APBB2: variants seen among roughly 807,000 people sequenced by gnomAD.
APBB2 encodes Fe65-like 1.
Under a neutral mutation model 82.5 loss-of-function variants are expected in APBB2, and 38 were observed. The observed-to-expected ratio is 0.46, with a 90% confidence interval of 0.36 to 0.60. The LOEUF (loss-of-function observed/expected upper bound fraction) is 0.60, where lower values mean the gene tolerates loss of function less well. Among genes scored for constraint, APBB2 ranks in the 20% least tolerant of loss-of-function variants. The pLI is 0.00. For missense variants in APBB2, 772 were observed against 972.3 expected (o/e 0.79, Z 2.74); for synonymous variants, 341 against 368.2 (o/e 0.93, Z 0.85).
At chr4:41,122,912 C>T (rs1753287754) in intron 2 of APBB2, among the ~76,000 whole-genome samples, 1 of 152,194 alleles carries the variant, frequency 6.6e-6, no homozygotes, top group South Asian at 2.1e-4. Context: ...TCTGCCCTGG[C>T]CTCCAGAACA....
chr4:40,893,180 T>C (rs1772552937), intron 11 of APBB2, 85 bp downstream of exon 11: 2 of 1,535,740 alleles, frequency 1.3e-6, no homozygotes, highest in South Asian at 1.2e-5. Context: ...AGCCCCTCAG[T>C]ACCATGTGTC....
chr4:40,935,126 C>T lies in APBB2; in HGVS notation c.1058G>A (p.Ser353Asn). ...PTPENEKQPW[S>N]DFAVLNGGKI... ...TCCCCCATTCAGAACAGCAAAATCA[C>T]TCCATGGCTGTTTCTAGACATATAA... The change falls in exon 8 of 18, where the codon AGT becomes AAT. Residue 353 changes from serine to asparagine, a missense_variant. Physicochemically the swap from Ser to Asn is conservative, Grantham distance 46. Coordinates refer to ENST00000508593, the MANE Select transcript of APBB2 (RefSeq NM_004307.2). 1.3e-6 allele frequency: 2 copies of T among 1,533,906 alleles called. No homozygotes were observed. The highest frequency in any genetic ancestry group is 1.7e-6 in the Non-Finnish European group (2 of 1,144,390).
rs375853750 is a variant in APBB2, at chr4:40,967,293, G to A, written c.836-22220C>T. 1.5e-4 allele frequency among the ~76,000 whole-genome samples: 23 copies of A among 152,288 alleles called. No homozygotes were observed. The East Asian group carries it at 4.1e-3, about 27-fold the overall frequency. ...TTCCTGGACGTAGGACAAGAACTCGGGACCTGCAGAATGGCAGGGCTGAAA... is the reference window on the plus strand; with the variant it reads ...TTCCTGGACGTAGGACAAGAACTCGAGACCTGCAGAATGGCAGGGCTGAAA... On this transcript the variant is annotated intron_variant, in intron 6 of 17. Transcript: ENST00000508593.
At chr4:41,057,898 T>G (rs1363838030) in intron 4 of APBB2, among the ~76,000 whole-genome samples, 4 of 152,236 alleles carry the variant, frequency 2.6e-5, no homozygotes. Flanking sequence ...CTGTGCCTCC[T>G]GCCCTGAGGA....
intron 1 of APBB2, among the ~76,000 whole-genome samples, chr4:41,176,833 T>A (rs1315777901): frequency 6.6e-6 from 1 of 152,146 alleles, no homozygotes; most frequent in African/African-American, 2.4e-5. Flanking sequence ...AAATTTGAGA[T>A]CTTATTAATA....
intron 10 of APBB2, among the ~76,000 whole-genome samples, chr4:40,931,665 T>C (rs1268300328): frequency 6.6e-6 from 1 of 152,170 alleles, no homozygotes. Context: ...TGCAGGTCCA[T>C]GTTAGCAGCT....
intron 6 of APBB2, among the ~76,000 whole-genome samples, chr4:40,957,785 C>T (rs774395158): frequency 5.3e-5 from 8 of 151,944 alleles, no homozygotes; most frequent in Admixed American, 1.3e-4. Flanking sequence ...GGTTTCGCCA[C>T]GTTGGCCAGG....
chr4:41,199,115 C>G (rs1413050987), intron 1 of APBB2, among the ~76,000 whole-genome samples: 1 of 152,170 alleles, frequency 6.6e-6, no homozygotes, highest in Non-Finnish European at 1.5e-5. Flanking sequence ...AATAAGGTTA[C>G]ATTTGCAGAT....
At chr4:41,124,380 G>A (rs374316897) in intron 2 of APBB2, among the ~76,000 whole-genome samples, 2 of 151,988 alleles carry the variant, frequency 1.3e-5, no homozygotes, top group Non-Finnish European at 2.9e-5. Context: ...CACCATGCCC[G>A]GCTAATTTTT....
intron 4 of APBB2, among the ~76,000 whole-genome samples, chr4:41,050,688 G>T (rs2154459363): frequency 6.6e-6 from 1 of 152,218 alleles, no homozygotes; most frequent in Admixed American, 6.5e-5. Context: ...CTTCTAATAA[G>T]AAATAAGGAA....
chr4:41,040,040 G>A (rs1307225764), intron 4 of APBB2, among the ~76,000 whole-genome samples: 1 of 151,870 alleles, frequency 6.6e-6, no homozygotes, highest in Non-Finnish European at 1.5e-5. Context: ...CTGATTTCTT[G>A]TGAAAACGTT....
chr4:41,029,329 A>T (rs147262953), intron 5 of APBB2, among the ~76,000 whole-genome samples: 8 of 152,362 alleles, frequency 5.3e-5, no homozygotes, highest in Admixed American at 2.6e-4. Context: ...CTTCAATGTG[A>T]CAAAAATGAT....
Position 40,890,354 on chromosome 4 carries a change from A to T in APBB2, c.1529+10T>A. 6.2e-7 allele frequency: 1 copy of T among 1,611,290 alleles called. No homozygotes were observed. The highest frequency in any genetic ancestry group is 1.7e-5 in the Admixed American group (1 of 59,904). ...TGAGGTGACCCAGACTGCCCCACCC[A>T]GGGACTCACCGGCCATTGTCGCGGC... On this transcript the variant is annotated intron_variant, in intron 12 of 17. Transcript: ENST00000508593.
intron 3 of APBB2, among the ~76,000 whole-genome samples, chr4:41,083,090 G>A (rs965244006): frequency 1.2e-4 from 18 of 152,012 alleles, no homozygotes; most frequent in African/African-American, 3.6e-4. Flanking sequence ...GCGTGAACCC[G>A]GGAGGCGGAG....
chr4:40,925,551 C>T (rs1277988528), intron 10 of APBB2, among the ~76,000 whole-genome samples: 1 of 152,150 alleles, frequency 6.6e-6, no homozygotes. Context: ...ATTCAATAAA[C>T]GTCTCTGACT....
intron 6 of APBB2, among the ~76,000 whole-genome samples, chr4:40,954,018 C>T (rs994808214): frequency 2.0e-5 from 3 of 152,184 alleles, no homozygotes; most frequent in Non-Finnish European, 4.4e-5. Context: ...CATCTGTGAG[C>T]AGCAAGGACC....
chr4:41,070,504 A>G (rs1356611354), intron 3 of APBB2, among the ~76,000 whole-genome samples: 1 of 151,986 alleles, frequency 6.6e-6, no homozygotes, highest in Non-Finnish European at 1.5e-5. Context: ...GTTTTACCAC[A>G]TTGGCCAGGT....
In APBB2 at chr4:40,815,014, G is replaced by A. The variant is rs1443923429; in HGVS notation, c.*1078C>T. The A allele has an allele frequency of 3.9e-5, 6 of 152,412 alleles. No homozygotes were observed. Among genetic ancestry groups the A allele is most frequent in the Non-Finnish European group, 5.9e-5 (4 of 68,036 alleles). The allele number at this position is 152,412 out of a possible 1,614,324, so 9.4% of individuals were successfully genotyped here. A position where few individuals can be genotyped will look rare whatever the true frequency, so the allele number is the denominator to read the frequency against. Reference sequence around the variant, plus strand: ...ATGGACAATACATGATGGACAGACAGCTTTCTGGGCAAAAAGCATCAGAGG... The same window carrying A: ...ATGGACAATACATGATGGACAGACAACTTTCTGGGCAAAAAGCATCAGAGG... On this transcript the variant is annotated 3_prime_UTR_variant, in exon 18 of 18. Transcript: ENST00000508593.
intron 1 of APBB2, among the ~76,000 whole-genome samples, chr4:41,154,419 T>C (rs966656937): frequency 9.2e-5 from 14 of 152,228 alleles, no homozygotes; most frequent in African/African-American, 3.4e-4. Context: ...CCTGGTTGCG[T>C]TTCCATAACC....
Sources: allele counts gnomAD v4.1 joint callset (sites outside exome capture counted in the v4.1 genomes callset), GRCh38; gene constraint gnomAD v4.1.1; transcripts MANE v1.5; gene names NCBI Gene and HGNC (gene_info 2026-07-23, HGNC 2026-07-21).